SMCO4: variants seen among roughly 807,000 people sequenced by gnomAD.
SMCO4 encodes the protein single-pass membrane and coiled-coil domain-containing protein 4.
SMCO4 carries 4 observed loss-of-function variants against 3.6 expected under a neutral mutation model. The observed-to-expected ratio is 1.11, with a 90% CI of 0.54 to 2.53. The LOEUF (loss-of-function observed/expected upper bound fraction) is 2.53. Among genes scored for constraint, SMCO4 ranks in the 30% most tolerant of loss-of-function variants. The pLI, the probability that SMCO4 is intolerant of heterozygous loss-of-function variation, is 0.02. For missense variants in SMCO4, 70 were observed against 80.8 expected (o/e 0.87, Z 0.51); for synonymous variants, 36 against 35.3 (o/e 1.02, Z -0.07).
At chr11:93,481,349 T>A in intron 2 of SMCO4, 1 of 804,958 alleles carries the variant, frequency 1.2e-6, no homozygotes, top group Non-Finnish European at 1.5e-6. Context: ...GGCTGAGACA[T>A]CTCCACCCAT....
chr11:93,484,115 C>T (rs960401850), intron 2 of SMCO4, among the ~76,000 whole-genome samples: 2 of 152,174 alleles, frequency 1.3e-5, no homozygotes, highest in Non-Finnish European at 2.9e-5. Context: ...CTGCTATGCT[C>T]CTACCCCCCA....
chr11:93,488,498 G>C (rs189844451), intron 2 of SMCO4, among the ~76,000 whole-genome samples: 5 of 152,174 alleles, frequency 3.3e-5, no homozygotes, highest in Non-Finnish European at 7.3e-5. Context: ...GTCTGATACC[G>C]AGTACACTTT....
In SMCO4 at chr11:93,508,016, TA is replaced by T. The variant is rs1172379714; in HGVS notation, c.-153-8669del. 8.5e-5 allele frequency among the ~76,000 whole-genome samples: 13 copies of T among 152,230 alleles called. No homozygotes were observed. In the East Asian group the frequency reaches 9.6e-4, roughly 11 times the overall value. On this transcript the variant is annotated intron_variant, in intron 1 of 2. Coordinates refer to ENST00000298966, the MANE Select transcript of SMCO4 (RefSeq NM_020179.3). ...CTACTTTATATTATCATATATCATA[TA>T]ATGGGTTTATTGTTATATTTAAACA...
At chr11:93,536,911 G>A (rs766604631) in intron 1 of SMCO4, among the ~76,000 whole-genome samples, 9 of 152,216 alleles carry the variant, frequency 5.9e-5, no homozygotes, top group Admixed American at 2.0e-4. Context: ...TCCCAAGACT[G>A]ACAAAGTTCA....
At chr11:93,526,695 T>A (rs1242274470) in intron 1 of SMCO4, among the ~76,000 whole-genome samples, 1 of 152,164 alleles carries the variant, frequency 6.6e-6, no homozygotes, top group African/African-American at 2.4e-5. Flanking sequence ...CAGAGAAACT[T>A]CCTTGAGAGC....
intron 2 of SMCO4, among the ~76,000 whole-genome samples, chr11:93,479,861 T>C (rs993297344): frequency 6.6e-5 from 10 of 152,022 alleles, no homozygotes; most frequent in African/African-American, 2.4e-4. Flanking sequence ...GAGCTGAGGA[T>C]AGAGATGAAG....
At chr11:93,547,839 A>T (rs527597825), upstream of SMCO4, among the ~76,000 whole-genome samples, 70 of 152,332 alleles carry the variant, frequency 4.6e-4, no homozygotes, top group African/African-American at 1.6e-3. Flanking sequence ...GGGGAGGACA[A>T]AGACTCGTGT....
At chr11:93,509,127 CAA>C (rs59961622) in intron 1 of SMCO4, among the ~76,000 whole-genome samples, 3 of 138,624 alleles carry the variant, frequency 2.2e-5, no homozygotes, top group Non-Finnish European at 3.2e-5. Flanking sequence ...CTGTCTCTAC[CAA>C]AAAAAAAAAA....
At chr11:93,509,227 G>T (rs1948936206) in intron 1 of SMCO4, among the ~76,000 whole-genome samples, 1 of 151,922 alleles carries the variant, frequency 6.6e-6, no homozygotes, top group South Asian at 2.1e-4. Context: ...GAAGCTCAAG[G>T]CTGCAGTGAG....
intron 1 of SMCO4, among the ~76,000 whole-genome samples, chr11:93,538,458 C>A (rs111777660): frequency 6.6e-6 from 1 of 152,168 alleles, no homozygotes; most frequent in Non-Finnish European, 1.5e-5. Flanking sequence ...ACACTTCTAA[C>A]CTTGACTAGC....
chr11:93,488,079 T>C (rs1169165109), intron 2 of SMCO4, among the ~76,000 whole-genome samples: 2 of 152,214 alleles, frequency 1.3e-5, no homozygotes, highest in African/African-American at 2.4e-5. Flanking sequence ...TGATGCTATG[T>C]GCTGCTGGAG....
At position 93,503,937 on chromosome 11, in the gene SMCO4, G is replaced by A. The variant is rs1412445486; in HGVS notation, c.-153-4589C>T. 3.3e-5 allele frequency among the ~76,000 whole-genome samples: 5 copies of A among 152,164 alleles called. No homozygotes were observed. The East Asian group carries it at 9.6e-4, about 29-fold the overall frequency. The stretch of plus-strand genomic sequence containing the variant: ...TCAACACAAGAAAAAGTATTCATAT[G>A]TTAAATGGAATAAGAAGAAATCAAA... On this transcript the variant is annotated intron_variant, in intron 1 of 2. Coordinates refer to ENST00000298966, the MANE Select transcript of SMCO4 (RefSeq NM_020179.3).
intron 1 of SMCO4, among the ~76,000 whole-genome samples, chr11:93,500,056 A>G (rs889879460): frequency 1.2e-4 from 18 of 152,376 alleles, no homozygotes; most frequent in Middle Eastern, 3.4e-3. Flanking sequence ...GAGACTCCAA[A>G]AAGTGTCCAT....
chr11:93,525,677 G>A (rs1023023839), intron 1 of SMCO4, among the ~76,000 whole-genome samples: 2 of 152,042 alleles, frequency 1.3e-5, no homozygotes, highest in Non-Finnish European at 2.9e-5. Flanking sequence ...CTGGGCAAAC[G>A]CGACCAACAG....
chr11:93,552,275 G>C, the SMCO4 span, among the ~76,000 whole-genome samples: 1 of 150,020 alleles, frequency 6.7e-6, no homozygotes, highest in East Asian at 2.0e-4. Context: ...AAGTAATTGG[G>C]ATTACAGGCA....
intron 1 of SMCO4, among the ~76,000 whole-genome samples, chr11:93,525,696 C>T (rs553108043): frequency 6.6e-6 from 1 of 152,176 alleles, no homozygotes; most frequent in South Asian, 2.1e-4. Flanking sequence ...AGGATTGGAT[C>T]CGGAAATTAG....
At chr11:93,542,087 T>C (rs1949275293) in intron 1 of SMCO4, among the ~76,000 whole-genome samples, 1 of 142,378 alleles carries the variant, frequency 7.0e-6, no homozygotes, top group African/African-American at 2.6e-5. Context: ...TACTGGTGTC[T>C]TGAATACAAA....
At chr11:93,479,580 C>A (rs1948567360) in intron 2 of SMCO4, among the ~76,000 whole-genome samples, 1 of 152,224 alleles carries the variant, frequency 6.6e-6, no homozygotes, top group Non-Finnish European at 1.5e-5. Flanking sequence ...ACTACGCCGC[C>A]TCCACTCAGA....
chr11:93,479,159 C>T lies in SMCO4; in HGVS notation c.31G>A (p.Glu11Lys). 2 of 1,614,074 alleles carry T rather than the reference C, an allele frequency of 1.2e-6. No individual in the cohort carries two copies. Among genetic ancestry groups the T allele is most frequent in the Middle Eastern group, 1.6e-4 (1 of 6,062 alleles). The change falls in exon 3 of 3, where the codon GAG (glutamate) becomes AAG (lysine). Residue 11 changes from glutamate to lysine, a missense_variant. By Grantham distance (56) the Glu-to-Lys change is moderately conservative. Transcript: ENST00000298966. The part of the protein sequence containing the change: MRQLKGKPKK[E>K]TSKDKKERKQ... ...CGCTCCTTCTTGTCCTTGGAGGTCTCCTTCTTGGGCTTCCCTTTGAGCTGC... is the reference window on the plus strand; with the variant it reads ...CGCTCCTTCTTGTCCTTGGAGGTCTTCTTCTTGGGCTTCCCTTTGAGCTGC...
Sources: allele counts gnomAD v4.1 joint callset (sites outside exome capture counted in the v4.1 genomes callset), GRCh38; gene constraint gnomAD v4.1.1; transcripts MANE v1.5; gene names NCBI Gene and HGNC (gene_info 2026-07-23, HGNC 2026-07-21).